The following GNG7 variants were observed in gnomAD, a reference collection of about 807,000 sequenced individuals.
GNG7 encodes G protein subunit gamma 7.
In GNG7, 1 loss-of-function variant was observed where a neutral mutation model predicts 4.0. The ratio of observed to expected loss-of-function variants is 0.25; its 90% CI spans 0.09 to 1.18. The LOEUF (loss-of-function observed/expected upper bound fraction) is 1.18. GNG7 is among the 50% of genes most tolerant of loss of function. GNG7 has a pLI of 0.50. For synonymous variants in GNG7, 34 were observed against 36.9 expected (o/e 0.92, Z 0.29); for missense variants, 86 against 91.9 (o/e 0.94, Z 0.26).
At chr19:2,582,496 T>C (rs1980530448) in intron 2 of GNG7, among the ~76,000 whole-genome samples, 1 of 151,964 alleles carries the variant, frequency 6.6e-6, no homozygotes, top group Admixed American at 6.6e-5. Context: ...ACAATTTTTT[T>C]TTTTGAGACA....
At chr19:2,687,178 C>T (rs1007541890) in intron 1 of GNG7, among the ~76,000 whole-genome samples, 1 of 152,132 alleles carries the variant, frequency 6.6e-6, no homozygotes, top group Non-Finnish European at 1.5e-5. Context: ...CTGCCTCGGA[C>T]TCCCGAGTAG....
intron 2 of GNG7, among the ~76,000 whole-genome samples, chr19:2,629,938 C>T (rs1982115491): frequency 6.6e-6 from 1 of 152,038 alleles, no homozygotes; most frequent in African/African-American, 2.4e-5. Flanking sequence ...CTGGGGGAAA[C>T]TGTGAAGATA....
chr19:2,680,933 G>C (rs780554960), intron 1 of GNG7, among the ~76,000 whole-genome samples: 1 of 151,802 alleles, frequency 6.6e-6, no homozygotes, highest in African/African-American at 2.4e-5. Context: ...CTACCTCCCC[G>C]TGAGCCCTTG....
chr19:2,597,180 T>G (rs1981047607), intron 2 of GNG7, among the ~76,000 whole-genome samples: 1 of 104,396 alleles, frequency 9.6e-6, no homozygotes, highest in Admixed American at 1.1e-4. Flanking sequence ...GAGGATTGCT[T>G]GAGCCTGGGA....
intron 1 of GNG7, among the ~76,000 whole-genome samples, chr19:2,667,894 G>GACAGAGCA (rs1983350330): frequency 6.6e-6 from 1 of 151,814 alleles, no homozygotes; most frequent in Non-Finnish European, 1.5e-5. Flanking sequence ...CAGCCTGGGA[G>GACAGAGCA]ACAGAGCAAC....
chr19:2,513,058 C>T lies in GNG7; in HGVS notation c.*1964G>A, dbSNP rs909951255. The T allele has an allele frequency of 1.2e-5, 12 of 985,416 alleles. No individual in the cohort carries two copies. The highest frequency in any genetic ancestry group is 4.7e-5 in the South Asian group (1 of 21,290). 61.0% of individuals were successfully genotyped at this position (985,416 alleles called of 1,614,324 possible). A position where few individuals can be genotyped will look rare whatever the true frequency, so the allele number is the denominator to read the frequency against. On this transcript the variant is annotated 3_prime_UTR_variant, in exon 5 of 5. Coordinates refer to ENST00000382159, the MANE Select transcript of GNG7 (RefSeq NM_052847.3). ...GGACCTGCCGTAGAGAGCTGGGTGC[C>T]GGGGGTGGGGAGCCCGGCTGTGGCC... is the stretch of plus-strand genomic sequence containing the variant.
rs574210713 is a variant in GNG7 at position 2,564,688 on chromosome 19, G to C, written c.-77-9500C>G. Among the ~76,000 whole-genome samples, 7 of 152,240 alleles carry C rather than the reference G, an allele frequency of 4.6e-5. No individual in the cohort carries two copies. In the South Asian group the frequency reaches 1.5e-3, roughly 32 times the overall value. ...GACACGGCCACAAGCCAGACTCCTA[G>C]AGCCCCCAGAAGCTGGGAGAGGCCG... On this transcript the variant is annotated intron_variant, in intron 2 of 4. Transcript: ENST00000382159.
intron 3 of GNG7, among the ~76,000 whole-genome samples, chr19:2,539,831 C>T (rs1362754230): frequency 2.5e-5 from 3 of 118,760 alleles, no homozygotes; most frequent in Non-Finnish European, 5.5e-5. Flanking sequence ...CAGGAACTCA[C>T]ACCTCTCCTT....
At chr19:2,533,097 G>A (rs992499669) in intron 3 of GNG7, among the ~76,000 whole-genome samples, 6 of 151,626 alleles carry the variant, frequency 4.0e-5, no homozygotes, top group African/African-American at 1.2e-4. Flanking sequence ...AATGAAATAC[G>A]GCTGCACACA....
chr19:2,542,365 C>T (rs761075946), intron 3 of GNG7, among the ~76,000 whole-genome samples: 5 of 152,010 alleles, frequency 3.3e-5, no homozygotes, highest in Admixed American at 6.6e-5. Flanking sequence ...ATCCACCCAC[C>T]GCGGCCTCCC....
chr19:2,575,506 CAG>C (rs1200807519), intron 2 of GNG7, among the ~76,000 whole-genome samples: 8 of 150,992 alleles, frequency 5.3e-5, no homozygotes, highest in Non-Finnish European at 8.9e-5. Context: ...CAGGCACACA[CAG>C]ACATGCAGAC....
chr19:2,563,927 G>C (rs1454712806), intron 2 of GNG7, among the ~76,000 whole-genome samples: 2 of 152,098 alleles, frequency 1.3e-5, no homozygotes, highest in African/African-American at 2.4e-5. Flanking sequence ...CAACACAGCA[G>C]CATTGCAAAT....
intron 3 of GNG7, among the ~76,000 whole-genome samples, chr19:2,551,568 T>TAATATAAAAA (rs1446332971): frequency 1.3e-5 from 1 of 78,712 alleles, no homozygotes; most frequent in Non-Finnish European, 2.2e-5. Context: ...TATTTATCTA[T>TAATATAAAAA]TATCTATAAT....
rs921061279 is a variant in GNG7, at chr19:2,624,528, C to CAAA, written c.-78+21693_-78+21695dup. ...CCTGGGAGACAGCGAGACTCCGTCTCAAAAAAAAAAAAAAAAAAGAAAAAG... is the reference window on the plus strand; with the variant it reads ...CCTGGGAGACAGCGAGACTCCGTCTCAAAAAAAAAAAAAAAAAAAAAGAAAAAG... On this transcript the variant is annotated intron_variant, in intron 2 of 4. Transcript: ENST00000382159. 2.5e-3 allele frequency among the ~76,000 whole-genome samples: 153 copies of CAAA among 62,438 alleles called. 1 individual carries two copies. The highest frequency in any genetic ancestry group is 7.4e-3 in the African/African-American group (144 of 19,528). The allele number at this position is 62,438 out of a possible 152,430, so 41.0% of individuals were successfully genotyped here.
intron 2 of GNG7, among the ~76,000 whole-genome samples, chr19:2,583,154 A>T (rs912628755): frequency 1.3e-5 from 2 of 152,064 alleles, no homozygotes; most frequent in African/African-American, 2.4e-5. Context: ...AGGGATGGTC[A>T]AGTTGTGATA....
Position 2,513,141 on chromosome 19 carries a change from A to G in GNG7, c.*1881T>C. ...TCACTCCCCCGACACCTGCACACAC[A>G]CCCGGAGCCCTCTAGCCTTGGCGAG... is the stretch of plus-strand genomic sequence containing the variant. On this transcript the variant is annotated 3_prime_UTR_variant, in exon 5 of 5. Transcript: ENST00000382159. 2 of 985,166 alleles carry G rather than the reference A, an allele frequency of 2.0e-6. No homozygotes were observed. Among genetic ancestry groups the G allele is most frequent in the South Asian group, 9.4e-5 (2 of 21,282 alleles). 61.0% of individuals were successfully genotyped at this position (985,166 alleles called of 1,614,324 possible). A position where few individuals can be genotyped will look rare whatever the true frequency, so the allele number is the denominator to read the frequency against.
chr19:2,526,991 G>C (rs8105047), intron 3 of GNG7, among the ~76,000 whole-genome samples: 1 of 151,284 alleles, frequency 6.6e-6, no homozygotes, highest in South Asian at 2.1e-4. Flanking sequence ...GACTACAGGC[G>C]CGCGCCACCA....
At chr19:2,550,310 C>T (rs983225175) in intron 3 of GNG7, among the ~76,000 whole-genome samples, 7 of 152,156 alleles carry the variant, frequency 4.6e-5, no homozygotes, top group East Asian at 1.9e-4. Flanking sequence ...CTCCGCCTCC[C>T]GGGTTCAAGC....
At chr19:2,696,556 G>C (rs571773593) in intron 1 of GNG7, among the ~76,000 whole-genome samples, 1 of 152,208 alleles carries the variant, frequency 6.6e-6, no homozygotes, top group Non-Finnish European at 1.5e-5. Context: ...AGGCAAAAGC[G>C]GCCGAGCGTG....
Sources: allele counts gnomAD v4.1 joint callset (sites outside exome capture counted in the v4.1 genomes callset), GRCh38; gene constraint gnomAD v4.1.1; transcripts MANE v1.5; gene names NCBI Gene and HGNC (gene_info 2026-07-23, HGNC 2026-07-21).